Variants in AUTS2 observed in about 807,000 individuals in gnomAD.
AUTS2 encodes the protein activator of transcription and developmental regulator AUTS2.
A neutral mutation model predicts 112.4 loss-of-function variants in AUTS2; 17 were observed. The ratio of observed to expected loss-of-function variants is 0.15; its 90% CI spans 0.10 to 0.23. The LOEUF is 0.23. Ranked by LOEUF, AUTS2 falls within the 10% of genes least tolerant of loss-of-function variation. The pLI, the probability that AUTS2 is intolerant of heterozygous loss-of-function variation, is 1.00. For synonymous variants in AUTS2, 751 were observed against 702.7 expected (o/e 1.07, Z -1.09); for missense variants, 1,510 against 1,701.6 (o/e 0.89, Z 1.98).
chr7:69,797,000 C>T (rs570802638), intron 1 of AUTS2, among the ~76,000 whole-genome samples: 7 of 152,152 alleles, frequency 4.6e-5, no homozygotes, highest in East Asian at 1.9e-4. Flanking sequence ...AGATTTTCGT[C>T]GTGAGGATGC....
chr7:70,437,553 A>G (rs1021233898), intron 5 of AUTS2: 1 of 152,256 alleles, frequency 6.6e-6, no homozygotes, highest in African/African-American at 2.4e-5. Flanking sequence ...TTAAAAGGAA[A>G]TGTGGGGCCA....
chr7:69,960,251 C>T (rs1797377112), intron 2 of AUTS2, among the ~76,000 whole-genome samples: 2 of 152,098 alleles, frequency 1.3e-5, no homozygotes, highest in African/African-American at 2.4e-5. Context: ...TAAGTAGAGA[C>T]AGATGATACA....
intron 2 of AUTS2, among the ~76,000 whole-genome samples, chr7:70,010,424 G>A (rs1799745909): frequency 6.6e-6 from 1 of 152,174 alleles, no homozygotes. Flanking sequence ...GGGATTGTCA[G>A]CATAAGGCAC....
intron 5 of AUTS2, among the ~76,000 whole-genome samples, chr7:70,440,754 C>T (rs1198494751): frequency 6.6e-6 from 1 of 152,180 alleles, no homozygotes; most frequent in African/African-American, 2.4e-5. Flanking sequence ...GCCAAGAGCA[C>T]GTGTACTGTC....
At chr7:70,784,884 T>C (rs1024066473) in intron 15 of AUTS2, 58 bp from the exon 16 acceptor site, 1 of 1,522,856 alleles carries the variant, frequency 6.6e-7, no homozygotes, top group Non-Finnish European at 9.1e-7. Context: ...TAGAAGCCGG[T>C]TGCATCTTCG....
At chr7:70,555,897 C>T (rs917514195) in intron 5 of AUTS2, among the ~76,000 whole-genome samples, 33 of 151,698 alleles carry the variant, frequency 2.2e-4, no homozygotes, top group African/African-American at 6.5e-4. Context: ...CTCTGCCTCC[C>T]GGGTTCATGC....
At chr7:70,154,663 C>T (rs1807642430) in intron 4 of AUTS2, among the ~76,000 whole-genome samples, 1 of 152,178 alleles carries the variant, frequency 6.6e-6, no homozygotes, top group African/African-American at 2.4e-5. Flanking sequence ...GACTACATTT[C>T]CTCACATGAA....
intron 2 of AUTS2, among the ~76,000 whole-genome samples, chr7:69,966,647 C>CTGTT (rs1351696238): frequency 6.6e-6 from 1 of 152,116 alleles, no homozygotes; most frequent in Non-Finnish European, 1.5e-5. Context: ...TTGGAAATCA[C>CTGTT]TGTTTCCCAT....
chr7:69,788,851 C>G (rs974980543), intron 1 of AUTS2, among the ~76,000 whole-genome samples: 1 of 151,698 alleles, frequency 6.6e-6, no homozygotes, highest in Non-Finnish European at 1.5e-5. Context: ...ATCAAATACA[C>G]TGGGGAACAA....
intron 1 of AUTS2, among the ~76,000 whole-genome samples, chr7:69,778,910 G>A (rs927218015): frequency 6.6e-6 from 1 of 151,876 alleles, no homozygotes; most frequent in Non-Finnish European, 1.5e-5. Context: ...TTTGGGGTGG[G>A]GTGTGGTTGT....
chr7:70,421,509 A>G (rs1795217717), intron 4 of AUTS2, among the ~76,000 whole-genome samples: 1 of 152,200 alleles, frequency 6.6e-6, no homozygotes, highest in African/African-American at 2.4e-5. Context: ...CCTCTGTCAC[A>G]GGGGTGTTGT....
At chr7:70,300,077 G>A (rs899122968) in intron 4 of AUTS2, among the ~76,000 whole-genome samples, 2 of 152,118 alleles carry the variant, frequency 1.3e-5, no homozygotes, top group Non-Finnish European at 2.9e-5. Flanking sequence ...GTGTGTATAT[G>A]TGTATATCAA....
At chr7:69,918,641 A>T (rs1031276375) in intron 2 of AUTS2, among the ~76,000 whole-genome samples, 6 of 152,226 alleles carry the variant, frequency 3.9e-5, no homozygotes, top group African/African-American at 1.4e-4. Context: ...CTTATTTTTT[A>T]AAAAGCTGGC....
intron 2 of AUTS2, among the ~76,000 whole-genome samples, chr7:69,907,142 G>A (rs1475809082): frequency 6.6e-6 from 1 of 152,160 alleles, no homozygotes; most frequent in African/African-American, 2.4e-5. Flanking sequence ...CTATTTGTCT[G>A]GAAACCAACC....
intron 4 of AUTS2, among the ~76,000 whole-genome samples, chr7:70,316,677 G>A (rs1323996463): frequency 1.3e-5 from 2 of 152,134 alleles, no homozygotes; most frequent in Non-Finnish European, 2.9e-5. Flanking sequence ...TGGATTACAG[G>A]TGTGAGCCAC....
At chr7:69,827,915 G>A (rs565384086) in intron 1 of AUTS2, among the ~76,000 whole-genome samples, 2 of 152,098 alleles carry the variant, frequency 1.3e-5, no homozygotes, top group African/African-American at 2.4e-5. Context: ...ATTTTGCCTC[G>A]TGTCTTTTGT....
chr7:69,739,798 A>G (rs1156722253), intron 1 of AUTS2, among the ~76,000 whole-genome samples: 1 of 152,214 alleles, frequency 6.6e-6, no homozygotes, highest in East Asian at 1.9e-4. Context: ...GACATAGTAT[A>G]TGCAGTCTGT....
rs114582039 is a variant in AUTS2, at chr7:70,449,917, G to C, written c.690+14136G>C. 2.8e-3 allele frequency among the ~76,000 whole-genome samples: 426 copies of C among 152,186 alleles called. 4 individuals are homozygous for C. The highest frequency in any genetic ancestry group is 9.9e-3 in the African/African-American group (411 of 41,538). Reference sequence around the variant, plus strand: ...ACTCCCCTGCCCCACCCAAGTATAAGACAGCCACCTTGAGAGACACAAAGA... The same window carrying C: ...ACTCCCCTGCCCCACCCAAGTATAACACAGCCACCTTGAGAGACACAAAGA... On this transcript the variant is annotated intron_variant, in intron 5 of 18. Coordinates refer to ENST00000342771, the MANE Select transcript of AUTS2 (RefSeq NM_015570.4).
intron 5 of AUTS2, among the ~76,000 whole-genome samples, chr7:70,659,456 G>A (rs1205006497): frequency 6.6e-6 from 1 of 152,178 alleles, no homozygotes; most frequent in African/African-American, 2.4e-5. Flanking sequence ...TCATCATACA[G>A]CTTGCCTAGG....
Sources: gnomAD v4.1 joint callset for allele counts (sites outside exome capture counted in the v4.1 genomes callset) on GRCh38, gnomAD v4.1.1 for gene constraint, MANE v1.5 for transcripts, NCBI Gene and HGNC (gene_info 2026-07-23, HGNC 2026-07-21) for gene names.